The following RBPJ variants were observed in gnomAD, a reference collection of about 807,000 sequenced individuals.
The protein encoded by RBPJ is recombination signal binding protein for immunoglobulin kappa J region, also known as recombining binding protein suppressor of hairless.
A neutral mutation model predicts 67.8 loss-of-function variants in RBPJ; 9 were observed. The ratio of observed to expected loss-of-function variants is 0.13; its 90% CI spans 0.08 to 0.23. RBPJ has a LOEUF of 0.23. RBPJ is among the 10% of genes least tolerant of loss of function. The probability of loss-of-function intolerance (pLI) is 1.00; values close to 1 mark genes in which losing one functional copy is unlikely to be tolerated. For synonymous variants in RBPJ, 198 were observed against 203.3 expected (o/e 0.97, Z 0.22); for missense variants, 305 against 595.6 (o/e 0.51, Z 5.08).
intron 1 of RBPJ, among the ~76,000 whole-genome samples, chr4:26,167,215 A>G (rs1471769408): frequency 6.6e-6 from 1 of 152,068 alleles, no homozygotes; most frequent in Non-Finnish European, 1.5e-5. Context: ...TTTTGGTTCC[A>G]TATGAACTTT....
In RBPJ at chr4:26,227,396, C is replaced by T. The variant is rs148863145; in HGVS notation, c.-167+63782C>T. ...GAAAATAATAATGGCTACTTCAAAG[C>T]GCAGTTGTAAGAAGCTAATAAGACA... On this transcript the variant is annotated intron_variant, in intron 1 of 4. Coordinates refer to the RBPJ transcript ENST00000512351. Among the ~76,000 whole-genome samples the T allele has an allele frequency of 3.9e-5, 6 of 152,208 alleles. No homozygotes were observed. In the South Asian group the frequency reaches 6.2e-4, roughly 16 times the overall value.
In RBPJ at chr4:26,204,032, C is replaced by A. The variant is rs868178793; in HGVS notation, c.-167+40418C>A. Among the ~76,000 whole-genome samples, 5 of 152,290 alleles carry A rather than the reference C, an allele frequency of 3.3e-5. No homozygotes were observed. In the South Asian group the frequency reaches 8.3e-4, roughly 25 times the overall value. On this transcript the variant is annotated intron_variant, in intron 1 of 4. Coordinates refer to the RBPJ transcript ENST00000512351. Reference sequence around the variant, plus strand: ...TGATCACAGCTCACTGCAGCTTCAACCTCCCAGGCTCAAGCTATCCTCCCG... The same window carrying A: ...TGATCACAGCTCACTGCAGCTTCAAACTCCCAGGCTCAAGCTATCCTCCCG...
At chr4:26,321,251 T>TGAGGGCGGGCGGCGGCGGCGGCGGC (rs1723011937) in intron 1 of RBPJ, 1 of 150,646 alleles carries the variant, frequency 6.6e-6, no homozygotes, top group Non-Finnish European at 1.4e-5. Flanking sequence ...CTCCAGCGCG[T>TGAGGGCGGGCGGCGGCGGCGGCGGC]GAGGGCGGGC....
At chr4:26,263,028 A>G (rs1720590519) in intron 1 of RBPJ, among the ~76,000 whole-genome samples, 1 of 152,156 alleles carries the variant, frequency 6.6e-6, no homozygotes, top group Non-Finnish European at 1.5e-5. Flanking sequence ...CCACCACCCC[A>G]GAATTCCACA....
chr4:26,163,902 C>T (rs187961966), intron 1 of RBPJ, among the ~76,000 whole-genome samples: 152 of 152,366 alleles, frequency 1.0e-3, no homozygotes, highest in African/African-American at 3.1e-3. Flanking sequence ...GCCTCCAGAC[C>T]GGTAACACTG....
intron 1 of RBPJ, among the ~76,000 whole-genome samples, chr4:26,363,360 G>A (rs754753188): frequency 1.4e-4 from 21 of 152,154 alleles, no homozygotes; most frequent in South Asian, 2.1e-4. Flanking sequence ...GGCCGGTCTC[G>A]AACTCCTGAC....
chr4:26,116,640 C>T, the RBPJ span, among the ~76,000 whole-genome samples: 1 of 152,208 alleles, frequency 6.6e-6, no homozygotes, highest in East Asian at 1.9e-4. Flanking sequence ...TTCTTATGCC[C>T]ATGAAGGTGC....
At chr4:26,409,919 G>A (rs371511001) in intron 3 of RBPJ, 29 of 350,920 alleles carry the variant, frequency 8.3e-5, no homozygotes, top group East Asian at 6.2e-4. Flanking sequence ...TGATGAAAAG[G>A]CCAGAGTAAC....
intron 1 of RBPJ, chr4:26,272,608 A>T (rs772905847): frequency 3.6e-5 from 15 of 419,834 alleles, no homozygotes; most frequent in South Asian, 2.7e-4. Flanking sequence ...AATAAATAAA[A>T]AACAAAACTA....
intron 1 of RBPJ, among the ~76,000 whole-genome samples, chr4:26,335,469 C>T (rs898179197): frequency 2.6e-5 from 4 of 151,850 alleles, no homozygotes; most frequent in Admixed American, 1.3e-4. Context: ...CATGAGCCAC[C>T]GTGCCCGGCC....
chr4:26,176,254 T>C (rs925320886), intron 1 of RBPJ, among the ~76,000 whole-genome samples: 1 of 152,206 alleles, frequency 6.6e-6, no homozygotes, highest in Non-Finnish European at 1.5e-5. Context: ...GGCTCTATTA[T>C]TCCTATTTCA....
In RBPJ at chr4:26,424,040, C is replaced by T. The variant is rs187810370; in HGVS notation, c.497-302C>T. Among the ~76,000 whole-genome samples the T allele has an allele frequency of 3.3e-5, 5 of 152,226 alleles. No homozygotes were observed. Among genetic ancestry groups the T allele is most frequent in the Admixed American group, 2.6e-4 (4 of 15,250 alleles). ...CAATAGGTCATCATTTAAATTTCTA[C>T]TGTCTAACATTATTTTAAAAGTAAG... On this transcript the variant is annotated intron_variant, in intron 5 of 10. Coordinates refer to ENST00000355476, the MANE Select transcript of RBPJ (RefSeq NM_015874.6). This position sits in a 1 kb window ranked among gnomAD's most constrained non-coding sequence, Gnocchi z 5.3.
At chr4:26,228,707 A>AT (rs1719166608) in intron 1 of RBPJ, among the ~76,000 whole-genome samples, 1 of 152,260 alleles carries the variant, frequency 6.6e-6, no homozygotes, top group South Asian at 2.1e-4. Context: ...ATTCTCCCGT[A>AT]GGGGATAATC....
the RBPJ span, among the ~76,000 whole-genome samples, chr4:26,147,320 A>G: frequency 6.6e-6 from 1 of 152,226 alleles, no homozygotes; most frequent in Admixed American, 6.5e-5. Flanking sequence ...CACAAGGAGG[A>G]TACCCCTGCT....
intron 1 of RBPJ, among the ~76,000 whole-genome samples, chr4:26,280,076 C>T (rs562614595): frequency 6.9e-4 from 104 of 150,762 alleles, no homozygotes; most frequent in African/African-American, 2.4e-3. Flanking sequence ...CATGAGCCAC[C>T]GTGCCCGACC....
chr4:26,185,487 G>A (rs904333016), intron 1 of RBPJ, among the ~76,000 whole-genome samples: 7 of 152,162 alleles, frequency 4.6e-5, no homozygotes, highest in African/African-American at 1.7e-4. Flanking sequence ...GAATTACGAG[G>A]TTGTATGGAG....
At chr4:26,316,424 C>T (rs1307305465), upstream of RBPJ, among the ~76,000 whole-genome samples, 1 of 141,774 alleles carries the variant, frequency 7.1e-6, no homozygotes, top group South Asian at 2.2e-4. Context: ...TTCATATATA[C>T]ATTCATATAT....
intron 1 of RBPJ, among the ~76,000 whole-genome samples, chr4:26,222,003 T>G (rs1006794446): frequency 1.3e-5 from 2 of 152,022 alleles, no homozygotes; most frequent in Non-Finnish European, 2.9e-5. Context: ...GGGTAGCAAT[T>G]TCTAGAGACA....
intron 1 of RBPJ, among the ~76,000 whole-genome samples, chr4:26,211,932 A>G (rs1192967715): frequency 6.6e-6 from 1 of 152,138 alleles, no homozygotes; most frequent in Non-Finnish European, 1.5e-5. Context: ...AGCGAAGTCC[A>G]CCTGAAGACG....
Sources: gnomAD v4.1 joint callset for allele counts (sites outside exome capture counted in the v4.1 genomes callset) on GRCh38, gnomAD v4.1.1 for gene constraint, Gnocchi (gnomAD v3.1) non-coding constraint, MANE v1.5 for transcripts, NCBI Gene and HGNC (gene_info 2026-07-23, HGNC 2026-07-21) for gene names.